The following CTNNA2 variants were observed in gnomAD, a reference collection of about 807,000 sequenced individuals.
CTNNA2 encodes the protein catenin alpha 2.
A neutral mutation model predicts 101.0 loss-of-function variants in CTNNA2; 42 were observed. The observed-to-expected ratio is 0.42, with a 90% CI of 0.32 to 0.54. CTNNA2 has a LOEUF of 0.54. Ranked by LOEUF, CTNNA2 falls within the 20% of genes least tolerant of loss-of-function variation. CTNNA2 has a pLI of 0.14. For synonymous variants in CTNNA2, 450 were observed against 456.4 expected, an observed-to-expected ratio of 0.99 and a Z score of 0.18; for missense variants, 871 against 1,223.1, an observed-to-expected ratio of 0.71 and a Z score of 4.29.
chr2:80,527,143 A>G (rs1346767864), intron 9 of CTNNA2, among the ~76,000 whole-genome samples: 1 of 152,234 alleles, frequency 6.6e-6, no homozygotes, highest in East Asian at 1.9e-4. Context: ...AGTAATTAGG[A>G]CTTTCTAATT....
intron 9 of CTNNA2, among the ~76,000 whole-genome samples, chr2:80,434,494 T>C (rs1681846257): frequency 6.9e-6 from 1 of 145,616 alleles, no homozygotes; most frequent in South Asian, 2.2e-4. Flanking sequence ...TCTTTTTTTT[T>C]TTTTTTTTTT....
At chr2:79,568,662 G>T (rs376317703) in intron 1 of CTNNA2, among the ~76,000 whole-genome samples, 6 of 151,864 alleles carry the variant, frequency 4.0e-5, no homozygotes, top group African/African-American at 1.5e-4. Flanking sequence ...TATAATTAAA[G>T]AATTCATGAT....
intron 2 of CTNNA2, among the ~76,000 whole-genome samples, chr2:79,716,614 A>C (rs1304918409): frequency 6.6e-6 from 1 of 152,172 alleles, no homozygotes; most frequent in Admixed American, 6.5e-5. Flanking sequence ...CTTAAGGCTG[A>C]AGGGATATGG....
intron 7 of CTNNA2, among the ~76,000 whole-genome samples, chr2:80,025,569 T>A (rs1694878875): frequency 6.6e-6 from 1 of 152,200 alleles, no homozygotes; most frequent in African/African-American, 2.4e-5. Context: ...TGTTTCCTAC[T>A]GTATGGTGTG....
chr2:80,356,752 C>T (rs780352713), intron 7 of CTNNA2, among the ~76,000 whole-genome samples: 2 of 152,114 alleles, frequency 1.3e-5, no homozygotes, highest in Non-Finnish European at 2.9e-5. Flanking sequence ...TTGTCGACAC[C>T]ATTCATTCAA....
intron 2 of CTNNA2, among the ~76,000 whole-genome samples, chr2:79,701,689 G>A (rs966671768): frequency 1.3e-5 from 2 of 152,154 alleles, no homozygotes; most frequent in African/African-American, 4.8e-5. Flanking sequence ...CCTGAAAGAT[G>A]AACTGAAATT....
intron 14 of CTNNA2, among the ~76,000 whole-genome samples, chr2:80,583,661 T>C (rs1457330669): frequency 6.6e-6 from 1 of 152,152 alleles, no homozygotes; most frequent in Non-Finnish European, 1.5e-5. Flanking sequence ...TCTTGCTTTA[T>C]AAGCACCATC....
At chr2:80,367,105 G>T (rs1388776353) in intron 7 of CTNNA2, among the ~76,000 whole-genome samples, 1 of 151,924 alleles carries the variant, frequency 6.6e-6, no homozygotes, top group Non-Finnish European at 1.5e-5. Flanking sequence ...GAATAGAATG[G>T]GAGGCAGGTT....
At chr2:79,862,725 T>G (rs1681715582) in intron 4 of CTNNA2, among the ~76,000 whole-genome samples, 1 of 152,210 alleles carries the variant, frequency 6.6e-6, no homozygotes, top group South Asian at 2.1e-4. Context: ...GGCTCCTGCC[T>G]TCAAAACCTT....
chr2:80,123,540 G>T (rs1413719017), intron 7 of CTNNA2, among the ~76,000 whole-genome samples: 9 of 152,090 alleles, frequency 5.9e-5, no homozygotes, highest in Non-Finnish European at 1.0e-4. Flanking sequence ...CCAGAAACTG[G>T]TCTAGGCATC....
chr2:80,249,290 A>T (rs912118903), intron 7 of CTNNA2, among the ~76,000 whole-genome samples: 6 of 152,198 alleles, frequency 3.9e-5, no homozygotes, highest in African/African-American at 1.4e-4. Context: ...TCCTCGTCGC[A>T]TAGGGCATTC....
chr2:80,319,061 A>G (rs1038850918), intron 7 of CTNNA2, among the ~76,000 whole-genome samples: 11 of 152,200 alleles, frequency 7.2e-5, no homozygotes, highest in African/African-American at 1.9e-4. Flanking sequence ...ATCAAACCCC[A>G]TCACAGATGG....
At chr2:80,399,558 A>G (rs1363761221) in intron 8 of CTNNA2, among the ~76,000 whole-genome samples, 1 of 152,218 alleles carries the variant, frequency 6.6e-6, no homozygotes, top group African/African-American at 2.4e-5. Flanking sequence ...AAGTATGAAC[A>G]TGAAAACTCT....
intron 9 of CTNNA2, among the ~76,000 whole-genome samples, chr2:80,440,043 C>A (rs1257862550): frequency 6.6e-6 from 1 of 152,060 alleles, no homozygotes; most frequent in Non-Finnish European, 1.5e-5. Flanking sequence ...ATGACAAGTG[C>A]TATGGAAACA....
chr2:79,540,164 A>T (rs191115108), intron 1 of CTNNA2, among the ~76,000 whole-genome samples: 28 of 152,266 alleles, frequency 1.8e-4, no homozygotes, highest in African/African-American at 5.5e-4. Flanking sequence ...GAGTAAGAGA[A>T]AAAGGATCCA....
intron 7 of CTNNA2, among the ~76,000 whole-genome samples, chr2:79,939,356 G>A (rs998340356): frequency 5.9e-5 from 9 of 152,032 alleles, no homozygotes; most frequent in East Asian, 1.9e-4. Context: ...GTCCATTACC[G>A]CAGTATTTAC....
At chr2:80,446,510 T>G (rs1683083886) in intron 9 of CTNNA2, among the ~76,000 whole-genome samples, 1 of 152,222 alleles carries the variant, frequency 6.6e-6, no homozygotes, top group South Asian at 2.1e-4. Context: ...TTACAAAACA[T>G]CGCATGAATT....
chr2:80,045,185 A>G (rs1333152838), intron 7 of CTNNA2, among the ~76,000 whole-genome samples: 2 of 152,180 alleles, frequency 1.3e-5, no homozygotes, highest in Non-Finnish European at 2.9e-5. Flanking sequence ...CTTGGAAGTC[A>G]TACTGTGCCC....
At chr2:80,417,381 TTC>T (rs1414709255) in intron 8 of CTNNA2, among the ~76,000 whole-genome samples, 24 of 151,854 alleles carry the variant, frequency 1.6e-4, no homozygotes, top group Middle Eastern at 3.4e-3. Context: ...TTGGTATTCA[TTC>T]TGTTTTCTTG....
Sources: allele counts gnomAD v4.1 joint callset (sites outside exome capture counted in the v4.1 genomes callset), GRCh38; gene constraint gnomAD v4.1.1; transcripts MANE v1.5; gene names NCBI Gene and HGNC (gene_info 2026-07-23, HGNC 2026-07-21).